Variants in SRBD1 observed in about 807,000 individuals in gnomAD.
SRBD1 encodes the protein S1 RNA-binding domain-containing protein 1.
A neutral mutation model predicts 115.3 loss-of-function variants in SRBD1; 88 were observed. The ratio of observed to expected loss-of-function variants is 0.76; its 90% CI spans 0.64 to 0.91. The LOEUF (loss-of-function observed/expected upper bound fraction) is 0.91. Ranked by LOEUF, SRBD1 falls within the 40% of genes least tolerant of loss-of-function variation. The probability of loss-of-function intolerance (pLI) is 0.00; values close to 1 mark genes in which losing one functional copy is unlikely to be tolerated. For synonymous variants in SRBD1, 509 were observed against 407.7 expected, an observed-to-expected ratio of 1.25 and a Z score of -2.99; for missense variants, 1,385 against 1,177.4, an observed-to-expected ratio of 1.18 and a Z score of -2.58.
chr2:45,542,920 T>C (rs1012929672), intron 14 of SRBD1, among the ~76,000 whole-genome samples: 3 of 152,220 alleles, frequency 2.0e-5, no homozygotes, highest in Admixed American at 2.0e-4. Flanking sequence ...AAAATAATCA[T>C]GCTCCATGAA....
chr2:45,532,798 C>A (rs531261394), intron 14 of SRBD1, among the ~76,000 whole-genome samples: 2 of 147,882 alleles, frequency 1.4e-5, no homozygotes, highest in African/African-American at 4.9e-5. Context: ...AAAGGTTTAC[C>A]GACCCCCCAC....
At chr2:45,503,823 A>G (rs1670713932) in intron 14 of SRBD1, among the ~76,000 whole-genome samples, 1 of 152,188 alleles carries the variant, frequency 6.6e-6, no homozygotes, top group Admixed American at 6.5e-5. Flanking sequence ...AAGCAAATCC[A>G]AAGAGGAGGA....
intron 14 of SRBD1, among the ~76,000 whole-genome samples, chr2:45,506,625 C>A (rs371029273): frequency 1.2e-4 from 19 of 152,150 alleles, no homozygotes; most frequent in African/African-American, 3.9e-4. Context: ...CTAGCAAGTA[C>A]TATTCTTAAA....
intron 14 of SRBD1, among the ~76,000 whole-genome samples, chr2:45,518,459 G>C (rs751522274): frequency 6.6e-6 from 1 of 152,198 alleles, no homozygotes; most frequent in East Asian, 1.9e-4. Flanking sequence ...TGTCAGTCCA[G>C]TTGTTTGCTG....
intron 14 of SRBD1, among the ~76,000 whole-genome samples, chr2:45,536,131 A>T (rs556713206): frequency 4.1e-4 from 62 of 152,166 alleles, no homozygotes; most frequent in Middle Eastern, 3.4e-3. Flanking sequence ...TACTGAGAAC[A>T]CAACAGAATA....
At chr2:45,492,686 G>A (rs1349975057) in intron 14 of SRBD1, among the ~76,000 whole-genome samples, 1 of 152,142 alleles carries the variant, frequency 6.6e-6, no homozygotes, top group South Asian at 2.1e-4. Context: ...TGATCCGCCT[G>A]CCTCGGCCTC....
chr2:45,474,263 G>A (rs1669738603), intron 16 of SRBD1, among the ~76,000 whole-genome samples: 1 of 152,058 alleles, frequency 6.6e-6, no homozygotes, highest in Non-Finnish European at 1.5e-5. Context: ...TGCCTCATTT[G>A]TCTACCATAG....
At chr2:45,463,023 G>GC (rs1430358541) in intron 16 of SRBD1, among the ~76,000 whole-genome samples, 1 of 135,818 alleles carries the variant, frequency 7.4e-6, no homozygotes, top group East Asian at 2.3e-4. Flanking sequence ...AACCCGGGGG[G>GC]GGGGGGGGAA....
At chr2:45,497,097 C>T (rs780475270) in intron 14 of SRBD1, among the ~76,000 whole-genome samples, 3 of 152,160 alleles carry the variant, frequency 2.0e-5, no homozygotes, top group Non-Finnish European at 4.4e-5. Context: ...TGCTATATTA[C>T]ACTGTGTAAA....
chr2:45,433,034 C>A (rs913237680), intron 16 of SRBD1, among the ~76,000 whole-genome samples: 3 of 152,172 alleles, frequency 2.0e-5, no homozygotes, highest in Non-Finnish European at 4.4e-5. Context: ...CAAAATTTCA[C>A]TTTACATTCC....
chr2:45,579,558 A>G (rs1673280705), intron 7 of SRBD1, among the ~76,000 whole-genome samples: 1 of 152,174 alleles, frequency 6.6e-6, no homozygotes, highest in Admixed American at 6.5e-5. Flanking sequence ...TGCCATAAAG[A>G]AAGTGAAAAG....
intron 14 of SRBD1, among the ~76,000 whole-genome samples, chr2:45,530,928 C>A (rs753328719): frequency 6.8e-6 from 1 of 148,138 alleles, no homozygotes; most frequent in Admixed American, 6.6e-5. Flanking sequence ...CAGTGAGACC[C>A]TGTCTCAAAA....
intron 9 of SRBD1, among the ~76,000 whole-genome samples, chr2:45,571,530 A>AAAAAAAAAAAAAC (rs1673014777): frequency 1.3e-5 from 2 of 148,390 alleles, no homozygotes; most frequent in African/African-American, 5.0e-5. Context: ...AAAAAAAAAA[A>AAAAAAAAAAAAAC]AAAAAAAAAA....
intron 15 of SRBD1, among the ~76,000 whole-genome samples, chr2:45,482,613 A>AACACACAC (rs70937962): frequency 6.7e-6 from 1 of 148,560 alleles, no homozygotes; most frequent in Non-Finnish European, 1.5e-5. Flanking sequence ...CACAACGTTA[A>AACACACAC]ACACACACAC....
chr2:45,449,125 T>A (rs1357270908), intron 16 of SRBD1, among the ~76,000 whole-genome samples: 1 of 152,218 alleles, frequency 6.6e-6, no homozygotes, highest in Non-Finnish European at 1.5e-5. Flanking sequence ...ATTGAACATT[T>A]TCTTTACTTT....
chr2:45,457,291 C>A (rs773539707), intron 16 of SRBD1, among the ~76,000 whole-genome samples: 2 of 151,830 alleles, frequency 1.3e-5, no homozygotes, highest in Admixed American at 6.6e-5. Flanking sequence ...ACATGATTTG[C>A]GGATGAAGTT....
chr2:45,440,922 G>T (rs1668651629), intron 16 of SRBD1, among the ~76,000 whole-genome samples: 1 of 151,966 alleles, frequency 6.6e-6, no homozygotes, highest in Middle Eastern at 3.4e-3. Flanking sequence ...AGAGGTTGGA[G>T]AAAAAAAGAG....
intron 16 of SRBD1, among the ~76,000 whole-genome samples, chr2:45,446,111 C>T (rs1668816593): frequency 6.6e-6 from 1 of 152,156 alleles, no homozygotes; most frequent in Non-Finnish European, 1.5e-5. Flanking sequence ...TGGACAGGAT[C>T]TAGGGCATTA....
chr2:45,468,064 G>A (rs981341682), intron 16 of SRBD1, among the ~76,000 whole-genome samples: 1 of 151,836 alleles, frequency 6.6e-6, no homozygotes. Context: ...TTTTTCTCTC[G>A]TTCCATGCCC....
Sources: gnomAD v4.1 joint callset for allele counts (sites outside exome capture counted in the v4.1 genomes callset) on GRCh38, gnomAD v4.1.1 for gene constraint, MANE v1.5 for transcripts, NCBI Gene and HGNC (gene_info 2026-07-23, HGNC 2026-07-21) for gene names.